The following STAG1 variants were observed in gnomAD, a reference collection of about 807,000 sequenced individuals.
The protein encoded by STAG1 is cohesin subunit SA-1.
A neutral mutation model predicts 170.9 loss-of-function variants in STAG1; 26 were observed. The observed-to-expected ratio is 0.15, with a 90% CI of 0.11 to 0.21. The LOEUF is 0.21. STAG1 is among the 10% of genes least tolerant of loss of function. STAG1 has a pLI of 1.00. For synonymous variants in STAG1, 514 were observed against 497.7 expected, an observed-to-expected ratio of 1.03 and a Z score of -0.44; for missense variants, 964 against 1,509.5, an observed-to-expected ratio of 0.64 and a Z score of 5.99.
intron 1 of STAG1, among the ~76,000 whole-genome samples, chr3:136,724,665 A>G (rs1933556500): frequency 6.6e-6 from 1 of 151,684 alleles, no homozygotes; most frequent in Non-Finnish European, 1.5e-5. Flanking sequence ...CAAGTTTGTT[A>G]TTTTCTCCAG....
rs537350696 is a variant in STAG1 at position 136,400,957 on chromosome 3, TTACAA to T, written c.2197-2133_2197-2129del. ...GAATTTTCCTATCTGCTTTGCATTG[TTACAA>T]TACATTGTTTTCATTGAAATATATG... On this transcript the variant is annotated intron_variant, in intron 21 of 33. Coordinates refer to ENST00000383202, the MANE Select transcript of STAG1 (RefSeq NM_005862.3). 6.1e-3 allele frequency among the ~76,000 whole-genome samples: 928 copies of T among 152,342 alleles called. 9 individuals carry two copies. Among genetic ancestry groups the T allele is most frequent in the Admixed American group, 0.019 (284 of 15,306 alleles).
intron 1 of STAG1, among the ~76,000 whole-genome samples, chr3:136,702,115 G>GAC (rs576739895): frequency 0.019 from 1,278 of 66,054 alleles, 12 homozygotes; most frequent in Non-Finnish European, 0.034. Context: ...GAGAGAGAGA[G>GAC]AGAGAGACAG....
At chr3:136,716,520 C>A (rs1018048421) in intron 1 of STAG1, among the ~76,000 whole-genome samples, 7 of 152,148 alleles carry the variant, frequency 4.6e-5, no homozygotes. Flanking sequence ...CTGGCTCATG[C>A]TTGTAATGCC....
intron 4 of STAG1, among the ~76,000 whole-genome samples, chr3:136,585,778 T>C (rs539607720): frequency 6.6e-6 from 1 of 152,164 alleles, no homozygotes; most frequent in Non-Finnish European, 1.5e-5. Context: ...TGTCTTCCTA[T>C]CTCAAAAGCT....
chr3:136,522,420 T>A (rs921291552), intron 6 of STAG1, among the ~76,000 whole-genome samples: 16 of 152,252 alleles, frequency 1.1e-4, no homozygotes, highest in African/African-American at 2.6e-4. Context: ...AGTGTGAGTG[T>A]AGATTGGAGA....
intron 16 of STAG1, among the ~76,000 whole-genome samples, chr3:136,431,206 T>C (rs984501423): frequency 5.9e-5 from 9 of 151,424 alleles, no homozygotes; most frequent in African/African-American, 2.2e-4. Flanking sequence ...ACCCAGCCCA[T>C]TCCTTCTTTT....
intron 1 of STAG1, among the ~76,000 whole-genome samples, chr3:136,717,319 T>C (rs1317205541): frequency 6.6e-6 from 1 of 152,214 alleles, no homozygotes; most frequent in Non-Finnish European, 1.5e-5. Context: ...CTATAAACAG[T>C]TATTGATTTT....
At chr3:136,571,702 AT>A (rs1192405549) in intron 4 of STAG1, among the ~76,000 whole-genome samples, 1 of 151,174 alleles carries the variant, frequency 6.6e-6, no homozygotes, top group Non-Finnish European at 1.5e-5. Context: ...AAAGACCCTC[AT>A]CTCTACCAAA....
At chr3:136,566,754 C>T (rs1182356703) in intron 5 of STAG1, among the ~76,000 whole-genome samples, 1 of 152,132 alleles carries the variant, frequency 6.6e-6, no homozygotes, top group Non-Finnish European at 1.5e-5. Context: ...TACCTACAGA[C>T]ATTCTTTATA....
intron 7 of STAG1, among the ~76,000 whole-genome samples, chr3:136,520,630 A>C (rs1284684528): frequency 6.6e-6 from 1 of 151,900 alleles, no homozygotes; most frequent in African/African-American, 2.4e-5. Flanking sequence ...AGTTGTCATG[A>C]TAATTCTAAA....
At chr3:136,626,204 G>A (rs1048855368) in intron 2 of STAG1, among the ~76,000 whole-genome samples, 1 of 152,184 alleles carries the variant, frequency 6.6e-6, no homozygotes, top group Non-Finnish European at 1.5e-5. Flanking sequence ...AAGGCCAGCA[G>A]ATCATGAGGT....
chr3:136,362,561 G>C (rs372987299), intron 26 of STAG1, among the ~76,000 whole-genome samples: 2 of 139,588 alleles, frequency 1.4e-5, no homozygotes, highest in Non-Finnish European at 3.0e-5. Context: ...TGAGGCCGAG[G>C]AGTTTGAGAC....
chr3:136,610,361 A>C (rs779933586), intron 3 of STAG1, among the ~76,000 whole-genome samples: 5 of 151,972 alleles, frequency 3.3e-5, no homozygotes, highest in African/African-American at 7.2e-5. Context: ...AAAAACCAAC[A>C]AACAAACAAA....
chr3:136,347,864 T>A (rs530971052), intron 29 of STAG1, among the ~76,000 whole-genome samples: 2 of 152,182 alleles, frequency 1.3e-5, no homozygotes, highest in Non-Finnish European at 2.9e-5. Flanking sequence ...AATCCTTCAT[T>A]TGATGAATGA....
At chr3:136,683,296 C>T (rs1028453415) in intron 1 of STAG1, among the ~76,000 whole-genome samples, 2 of 150,944 alleles carry the variant, frequency 1.3e-5, no homozygotes, top group African/African-American at 2.4e-5. Context: ...TGGAGTCTGG[C>T]TCTGTCTCCC....
intron 9 of STAG1, among the ~76,000 whole-genome samples, chr3:136,484,227 T>C (rs560114119): frequency 9.9e-5 from 15 of 152,084 alleles, no homozygotes; most frequent in African/African-American, 3.4e-4. Flanking sequence ...CTTTTGGTCT[T>C]TGATGATGGT....
In STAG1 at chr3:136,531,654, G is replaced by A. The variant is rs549535465; in HGVS notation, c.472-10237C>T. On this transcript the variant is annotated intron_variant, in intron 6 of 33. Transcript: ENST00000383202. Reference sequence around the variant, plus strand: ...AAATCATCATTCTCAGTAAACTATCGCAAGAACAAAAAACCAAACACCGCA... The same window carrying A: ...AAATCATCATTCTCAGTAAACTATCACAAGAACAAAAAACCAAACACCGCA... Among the ~76,000 whole-genome samples, 728 of 150,096 alleles carry A rather than the reference G, an allele frequency of 4.9e-3. 8 individuals carry two copies. The highest frequency in any genetic ancestry group is 0.017 in the African/African-American group (705 of 40,722).
chr3:136,723,524 G>T (rs574891178), intron 1 of STAG1, among the ~76,000 whole-genome samples: 1 of 151,754 alleles, frequency 6.6e-6, no homozygotes, highest in Non-Finnish European at 1.5e-5. Flanking sequence ...AGTGAGGAGC[G>T]TCTCTGCCCG....
At chr3:136,723,996 G>C (rs1448320827) in intron 1 of STAG1, among the ~76,000 whole-genome samples, 5 of 150,426 alleles carry the variant, frequency 3.3e-5, no homozygotes, top group Non-Finnish European at 7.4e-5. Flanking sequence ...TCAGCCCCCC[G>C]CACAGCCAGC....
Sources: gnomAD v4.1 joint callset for allele counts (sites outside exome capture counted in the v4.1 genomes callset) on GRCh38, gnomAD v4.1.1 for gene constraint, MANE v1.5 for transcripts, NCBI Gene and HGNC (gene_info 2026-07-23, HGNC 2026-07-21) for gene names.